GLRA1: variants seen among roughly 807,000 people sequenced by gnomAD.
GLRA1 encodes the protein glycine receptor subunit alpha-1.
In GLRA1, 37 loss-of-function variants were observed where a neutral mutation model predicts 48.3. The ratio of observed to expected loss-of-function variants is 0.77; its 90% confidence interval spans 0.59 to 1.01. GLRA1 has a LOEUF of 1.01. Among genes scored for constraint, GLRA1 ranks in the 50% least tolerant of loss-of-function variants. GLRA1 has a pLI of 0.00. For missense variants in GLRA1, 427 were observed against 571.0 expected, an observed-to-expected ratio of 0.75 and a Z score of 2.57; for synonymous variants, 196 against 210.7, an observed-to-expected ratio of 0.93 and a Z score of 0.60.
chr5:151,890,235 C>CATTT (rs10630719), intron 2 of GLRA1, among the ~76,000 whole-genome samples: 41,618 of 151,744 alleles, frequency 0.27, 5,802 homozygotes, highest in South Asian at 0.4. Context: ...TTTGTGGGGT[C>CATTT]ATTTATTTAT....
At chr5:151,848,330 C>T (rs781646745) in intron 7 of GLRA1, among the ~76,000 whole-genome samples, 2 of 152,166 alleles carry the variant, frequency 1.3e-5, no homozygotes, top group Admixed American at 6.5e-5. Context: ...AAACATGGCA[C>T]GCTGAGCCTC....
At position 151,845,994 on chromosome 5, in the gene GLRA1, A is replaced by G. The variant is rs182201607; in HGVS notation, c.912+5396T>C. On this transcript the variant is annotated intron_variant, in intron 7 of 8. Coordinates refer to ENST00000274576, the MANE Select transcript of GLRA1 (RefSeq NM_000171.4). ...TATTGTATGATTCCATTTATACGAGATGTCCAGAAAAGGCAAATTTATACA... is the reference window on the plus strand; with the variant it reads ...TATTGTATGATTCCATTTATACGAGGTGTCCAGAAAAGGCAAATTTATACA... Among the ~76,000 whole-genome samples, 44 of 152,336 alleles carry G rather than the reference A, an allele frequency of 2.9e-4. No individual in the cohort carries two copies. The East Asian group carries it at 5.0e-3, about 17-fold the overall frequency.
intron 7 of GLRA1, among the ~76,000 whole-genome samples, chr5:151,843,717 G>A (rs929539577): frequency 2.0e-5 from 3 of 152,106 alleles, no homozygotes; most frequent in Admixed American, 2.0e-4. Flanking sequence ...ACTGACAAAA[G>A]GATCAACACA....
At chr5:151,896,077 G>A (rs761436680) in intron 1 of GLRA1, among the ~76,000 whole-genome samples, 1 of 152,100 alleles carries the variant, frequency 6.6e-6, no homozygotes, top group Admixed American at 6.5e-5. Context: ...CAGTACAGTG[G>A]GAGAATGAAT....
At position 151,921,813 on chromosome 5, in the gene GLRA1, A is replaced by G. The variant is rs532528009; in HGVS notation, c.56+2681T>C. On this transcript the variant is annotated intron_variant, in intron 1 of 8. Coordinates refer to ENST00000274576, the MANE Select transcript of GLRA1 (RefSeq NM_000171.4). ...TGACTCTCAGAATGCCACTTACTGA[A>G]TTTTAGAACCATAGGTTTTTAAAAT... Among the ~76,000 whole-genome samples, 11 of 152,344 alleles carry G rather than the reference A, an allele frequency of 7.2e-5. No individual in the cohort carries two copies. The South Asian group carries it at 2.1e-3, about 29-fold the overall frequency.
intron 3 of GLRA1, among the ~76,000 whole-genome samples, chr5:151,862,925 C>T (rs561188163): frequency 5.3e-5 from 8 of 152,250 alleles, no homozygotes; most frequent in African/African-American, 1.9e-4. Flanking sequence ...AATGTAGGGC[C>T]AGAGCTGATT....
intron 3 of GLRA1, among the ~76,000 whole-genome samples, chr5:151,883,473 G>A (rs984444806): frequency 6.6e-6 from 1 of 152,160 alleles, no homozygotes; most frequent in Non-Finnish European, 1.5e-5. Context: ...TCCTTGCACA[G>A]TCACCAAGTA....
At chr5:151,889,640 C>T (rs1462516329) in intron 2 of GLRA1, among the ~76,000 whole-genome samples, 1 of 152,176 alleles carries the variant, frequency 6.6e-6, no homozygotes, top group African/African-American at 2.4e-5. Context: ...TGATGGATCC[C>T]TCCGTAGAGG....
intron 3 of GLRA1, among the ~76,000 whole-genome samples, chr5:151,860,700 A>T (rs573836185): frequency 6.6e-6 from 1 of 151,062 alleles, no homozygotes; most frequent in African/African-American, 2.4e-5. Flanking sequence ...ACTAGATGTC[A>T]TGGAGTCACA....
intron 8 of GLRA1, among the ~76,000 whole-genome samples, chr5:151,825,562 A>G (rs1763252599): frequency 6.6e-6 from 1 of 152,200 alleles, no homozygotes; most frequent in Admixed American, 6.5e-5. Context: ...GTGGCAGGAA[A>G]TGCATGCCCA....
At chr5:151,836,255 TG>T (rs1276505126) in intron 7 of GLRA1, among the ~76,000 whole-genome samples, 3 of 152,132 alleles carry the variant, frequency 2.0e-5, no homozygotes, top group Non-Finnish European at 4.4e-5. Context: ...ACAAGGGATG[TG>T]AAGGACCTCT....
intron 3 of GLRA1, among the ~76,000 whole-genome samples, chr5:151,870,912 T>C (rs1282112393): frequency 6.7e-6 from 1 of 149,936 alleles, no homozygotes; most frequent in Non-Finnish European, 1.5e-5. Flanking sequence ...AAAGTCTTAC[T>C]GTAAATTGGA....
intron 7 of GLRA1, among the ~76,000 whole-genome samples, chr5:151,836,673 C>A (rs1171133699): frequency 6.6e-6 from 1 of 151,942 alleles, no homozygotes; most frequent in Non-Finnish European, 1.5e-5. Context: ...ACCATCTGAT[C>A]TTGACAAAAA....
chr5:151,823,149 C>CT (rs1763186687), intron 8 of GLRA1, among the ~76,000 whole-genome samples, 186 bp from the exon 9 acceptor site: 1 of 152,172 alleles, frequency 6.6e-6, no homozygotes, highest in Admixed American at 6.5e-5. Flanking sequence ...AGGGGCGCCA[C>CT]TTGCCTGCTG....
intron 4 of GLRA1, among the ~76,000 whole-genome samples, chr5:151,858,802 T>C (rs1396613526): frequency 6.6e-6 from 1 of 152,174 alleles, no homozygotes; most frequent in African/African-American, 2.4e-5. Flanking sequence ...CCTGAAGGAC[T>C]GGAGCAGGAG....
At chr5:151,887,021 C>A (rs1753925781) in intron 2 of GLRA1, among the ~76,000 whole-genome samples, 1 of 152,194 alleles carries the variant, frequency 6.6e-6, no homozygotes, top group African/African-American at 2.4e-5. Flanking sequence ...AGAGGCTGAG[C>A]TGAGATGTAC....
chr5:151,850,076 G>A (rs1752860702), intron 7 of GLRA1: 2 of 1,603,878 alleles, frequency 1.2e-6, no homozygotes, highest in Middle Eastern at 2.3e-4. Flanking sequence ...TTGGCATGGA[G>A]CAGGAATATA....
intron 3 of GLRA1, among the ~76,000 whole-genome samples, chr5:151,864,632 C>T (rs543762543): frequency 5.3e-5 from 8 of 152,220 alleles, no homozygotes; most frequent in Non-Finnish European, 1.2e-4. Context: ...CAGCTTAAGG[C>T]TTATCTCCTG....
At chr5:151,906,456 TTAACAG>T (rs1448797571) in intron 1 of GLRA1, among the ~76,000 whole-genome samples, 7 of 152,174 alleles carry the variant, frequency 4.6e-5, no homozygotes, top group Non-Finnish European at 1.0e-4. Context: ...AAGAGGGACA[TTAACAG>T]GCTGGAGCAG....
Sources: gnomAD v4.1 joint callset for allele counts (sites outside exome capture counted in the v4.1 genomes callset) on GRCh38, gnomAD v4.1.1 for gene constraint, MANE v1.5 for transcripts, NCBI Gene and HGNC (gene_info 2026-07-23, HGNC 2026-07-21) for gene names.